Variants in DACH1 observed in about 807,000 individuals in gnomAD.
The protein encoded by DACH1 is dachshund family transcription factor 1.
In DACH1, 12 loss-of-function variants were observed where a neutral mutation model predicts 54.2. That is an observed-to-expected ratio of 0.22 (90% CI 0.14 to 0.36). The LOEUF (loss-of-function observed/expected upper bound fraction) is 0.36, where lower values mean the gene tolerates loss of function less well. Among genes scored for constraint, DACH1 ranks in the 10% least tolerant of loss-of-function variants. The probability of loss-of-function intolerance (pLI) is 1.00; values close to 1 mark genes in which losing one functional copy is unlikely to be tolerated. For synonymous variants in DACH1, 386 were observed against 366.2 expected (o/e 1.05, Z -0.62); for missense variants, 805 against 929.8 (o/e 0.87, Z 1.75).
chr13:71,710,221 A>G (rs1882643541), intron 1 of DACH1, among the ~76,000 whole-genome samples: 1 of 152,188 alleles, frequency 6.6e-6, no homozygotes, highest in Admixed American at 6.5e-5. Context: ...ATAAGGCTTG[A>G]CTTTGAAATA....
At chr13:71,836,246 A>C (rs1163627056) in intron 1 of DACH1, among the ~76,000 whole-genome samples, 3 of 152,030 alleles carry the variant, frequency 2.0e-5, no homozygotes, top group Non-Finnish European at 4.4e-5. Flanking sequence ...GGCTATGAAG[A>C]ATTCTACATT....
chr13:71,480,886 C>G (rs977448352), intron 7 of DACH1, among the ~76,000 whole-genome samples: 1 of 152,132 alleles, frequency 6.6e-6, no homozygotes, highest in Non-Finnish European at 1.5e-5. Flanking sequence ...CCTGAATCTC[C>G]TGGTATAATT....
At chr13:71,515,512 T>C (rs1450755479) in intron 6 of DACH1, among the ~76,000 whole-genome samples, 3 of 151,900 alleles carry the variant, frequency 2.0e-5, no homozygotes, top group Non-Finnish European at 4.4e-5. Flanking sequence ...TAAATAACAT[T>C]TGCTATGATT....
At chr13:71,814,200 C>A (rs918864283) in intron 1 of DACH1, among the ~76,000 whole-genome samples, 1 of 152,130 alleles carries the variant, frequency 6.6e-6, no homozygotes, top group East Asian at 1.9e-4. Context: ...TTAAGAATGA[C>A]CTTTAGTGAA....
intron 1 of DACH1, among the ~76,000 whole-genome samples, chr13:71,682,467 C>A (rs1227355327): frequency 6.6e-6 from 1 of 152,146 alleles, no homozygotes; most frequent in African/African-American, 2.4e-5. Context: ...TGTTTTATTA[C>A]TTCGCACTGC....
intron 10 of DACH1, among the ~76,000 whole-genome samples, chr13:71,444,295 C>T (rs1190693912): frequency 6.6e-6 from 1 of 151,920 alleles, no homozygotes; most frequent in Non-Finnish European, 1.5e-5. Context: ...ATACTTTTGC[C>T]AAAGCTTTCT....
intron 3 of DACH1, among the ~76,000 whole-genome samples, chr13:71,573,984 C>T (rs1885380875): frequency 6.6e-6 from 1 of 152,134 alleles, no homozygotes; most frequent in Non-Finnish European, 1.5e-5. Flanking sequence ...CTTCATTACA[C>T]AGCAAATCCA....
chr13:71,590,674 G>A (rs1338729286), intron 3 of DACH1, among the ~76,000 whole-genome samples: 1 of 151,946 alleles, frequency 6.6e-6, no homozygotes, highest in African/African-American at 2.4e-5. Context: ...ATTCCTGCTA[G>A]GACTGACATT....
intron 3 of DACH1, among the ~76,000 whole-genome samples, chr13:71,574,052 A>T (rs1885386278): frequency 6.6e-6 from 1 of 152,178 alleles, no homozygotes; most frequent in African/African-American, 2.4e-5. Flanking sequence ...AACACAAAAG[A>T]TCACTTTATA....
chr13:71,753,985 CAAAAT>C (rs1885035688), intron 1 of DACH1, among the ~76,000 whole-genome samples: 1 of 152,004 alleles, frequency 6.6e-6, no homozygotes, highest in African/African-American at 2.4e-5. Context: ...AAAGAGAAAC[CAAAAT>C]AACATACTAA....
At chr13:71,796,508 T>G (rs1443909003) in intron 1 of DACH1, among the ~76,000 whole-genome samples, 2 of 152,124 alleles carry the variant, frequency 1.3e-5, no homozygotes, top group African/African-American at 4.8e-5. Context: ...TGCCATAATG[T>G]TTTGGTTTAA....
intron 1 of DACH1, among the ~76,000 whole-genome samples, chr13:71,753,543 C>T (rs755230196): frequency 5.3e-5 from 8 of 152,140 alleles, no homozygotes; most frequent in South Asian, 2.1e-4. Flanking sequence ...ATATAAATAA[C>T]GAAGTTAGTA....
chr13:71,679,433 T>G (rs1419459454), intron 2 of DACH1, among the ~76,000 whole-genome samples: 2 of 152,178 alleles, frequency 1.3e-5, no homozygotes, highest in Non-Finnish European at 2.9e-5. Flanking sequence ...TGTATCATCT[T>G]CATCTTAAAA....
intron 3 of DACH1, among the ~76,000 whole-genome samples, chr13:71,619,083 T>C (rs939287926): frequency 4.6e-5 from 7 of 151,608 alleles, no homozygotes; most frequent in Non-Finnish European, 1.0e-4. Context: ...GCACTAAAAA[T>C]AATCTAATTC....
intron 6 of DACH1, among the ~76,000 whole-genome samples, chr13:71,499,905 G>GT (rs1449532493): frequency 6.6e-6 from 1 of 152,006 alleles, no homozygotes; most frequent in Non-Finnish European, 1.5e-5. Flanking sequence ...TGTAGAGGTC[G>GT]TAAGATGTTC....
chr13:71,573,646 T>C, intron 3 of DACH1: 1 of 435,224 alleles, frequency 2.3e-6, no homozygotes, highest in East Asian at 3.6e-5. Flanking sequence ...TTAAAATGAG[T>C]TTTTTAAAAA....
At chr13:71,512,283 C>T (rs1269783097) in intron 6 of DACH1, among the ~76,000 whole-genome samples, 1 of 151,892 alleles carries the variant, frequency 6.6e-6, no homozygotes, top group Non-Finnish European at 1.5e-5. Context: ...CTAGCCTTCT[C>T]TGCATTATGT....
chr13:71,633,725 T>C (rs1391770604), intron 2 of DACH1, among the ~76,000 whole-genome samples: 12 of 152,262 alleles, frequency 7.9e-5, no homozygotes. Context: ...TATGCAACAA[T>C]TGCTGATTTT....
intron 6 of DACH1, among the ~76,000 whole-genome samples, chr13:71,545,167 TCA>T: frequency 6.6e-6 from 1 of 152,200 alleles, no homozygotes; most frequent in Admixed American, 6.6e-5. Flanking sequence ...AAACTGAAGG[TCA>T]CGGACATTCG....
Sources: gnomAD v4.1 joint callset for allele counts (sites outside exome capture counted in the v4.1 genomes callset) on GRCh38, gnomAD v4.1.1 for gene constraint, MANE v1.5 for transcripts, NCBI Gene and HGNC (gene_info 2026-07-23, HGNC 2026-07-21) for gene names.